Variants in TACR1 observed in about 807,000 individuals in gnomAD.
TACR1 encodes the protein tachykinin receptor 1.
Under a neutral mutation model 35.8 loss-of-function variants are expected in TACR1, and 25 were observed. The observed-to-expected ratio is 0.70, with a 90% CI of 0.51 to 0.98. The LOEUF (loss-of-function observed/expected upper bound fraction) is 0.98, where lower values mean the gene tolerates loss of function less well. Ranked by LOEUF, TACR1 falls within the 50% of genes least tolerant of loss-of-function variation. TACR1 has a pLI of 0.00. For missense variants in TACR1, 478 were observed against 522.9 expected, an observed-to-expected ratio of 0.91 and a Z score of 0.84; for synonymous variants, 195 against 206.7, an observed-to-expected ratio of 0.94 and a Z score of 0.48.
chr2:75,065,816 A>T (rs1266011897), intron 2 of TACR1, among the ~76,000 whole-genome samples: 4 of 152,172 alleles, frequency 2.6e-5, no homozygotes, highest in Non-Finnish European at 5.9e-5. Flanking sequence ...GTTGGTTGGT[A>T]TTTTACACTT....
chr2:75,165,341 G>A (rs1209896224), intron 1 of TACR1, among the ~76,000 whole-genome samples: 2 of 151,890 alleles, frequency 1.3e-5, no homozygotes, highest in African/African-American at 2.4e-5. Context: ...ACAGAGTCTC[G>A]CTCTGTCACC....
At chr2:75,152,435 T>A (rs907304991) in intron 1 of TACR1, among the ~76,000 whole-genome samples, 1 of 152,216 alleles carries the variant, frequency 6.6e-6, no homozygotes, top group Non-Finnish European at 1.5e-5. Context: ...TGCTTTTGCT[T>A]CTTCCTCATT....
chr2:75,112,247 A>G (rs1673766326), intron 2 of TACR1, among the ~76,000 whole-genome samples: 1 of 151,936 alleles, frequency 6.6e-6, no homozygotes, highest in Non-Finnish European at 1.5e-5. Flanking sequence ...GAGTATTTTG[A>G]TATCTCGAAT....
intron 1 of TACR1, among the ~76,000 whole-genome samples, chr2:75,164,181 G>A (rs1032006719): frequency 6.6e-6 from 1 of 151,972 alleles, no homozygotes; most frequent in African/African-American, 2.4e-5. Context: ...CAAAATATTA[G>A]CCAGGCGTGG....
At chr2:75,109,039 T>G (rs1284021063) in intron 2 of TACR1, among the ~76,000 whole-genome samples, 1 of 152,186 alleles carries the variant, frequency 6.6e-6, no homozygotes, top group East Asian at 1.9e-4. Flanking sequence ...AAGGAGGATC[T>G]GGGCAGCTGC....
At chr2:75,099,975 T>C (rs1673503766) in intron 2 of TACR1, among the ~76,000 whole-genome samples, 1 of 152,160 alleles carries the variant, frequency 6.6e-6, no homozygotes, top group Non-Finnish European at 1.5e-5. Context: ...TTATTCCCCA[T>C]TATTGTTAGA....
intron 1 of TACR1, among the ~76,000 whole-genome samples, chr2:75,172,380 G>A (rs1033504032): frequency 2.0e-5 from 3 of 152,142 alleles, no homozygotes; most frequent in Non-Finnish European, 4.4e-5. Context: ...GCAAATGCCT[G>A]TTTCTCTGTA....
intron 1 of TACR1, chr2:75,156,062 G>T (rs1346989940): frequency 6.6e-6 from 1 of 152,234 alleles, no homozygotes; most frequent in Non-Finnish European, 1.5e-5. Flanking sequence ...CTGGAACACA[G>T]TCACACTATT....
At chr2:75,117,223 G>T (rs1289391609) in intron 2 of TACR1, among the ~76,000 whole-genome samples, 1 of 151,928 alleles carries the variant, frequency 6.6e-6, no homozygotes, top group African/African-American at 2.4e-5. Context: ...GTCTTTAATA[G>T]TGCTTAATTT....
intron 1 of TACR1, among the ~76,000 whole-genome samples, chr2:75,178,205 C>CA (rs1192037143): frequency 6.7e-6 from 1 of 150,084 alleles, no homozygotes; most frequent in African/African-American, 2.5e-5. Context: ...TTTTTTGAGA[C>CA]AGAGTTTCGC....
chr2:75,134,563 C>T (rs1008551406), intron 1 of TACR1, among the ~76,000 whole-genome samples: 5 of 152,062 alleles, frequency 3.3e-5, no homozygotes, highest in African/African-American at 1.2e-4. Flanking sequence ...GTGGAGGTGA[C>T]ATTTGAATTT....
intron 2 of TACR1, among the ~76,000 whole-genome samples, chr2:75,095,287 T>A (rs552735314): frequency 1.3e-5 from 2 of 152,256 alleles, no homozygotes; most frequent in South Asian, 4.1e-4. Context: ...CGCACATGAT[T>A]TTAATTTTCG....
intron 1 of TACR1, chr2:75,154,390 AATCAGCCAAGAGCGCGCACG>A (rs1674753252): frequency 7.5e-6 from 1 of 132,816 alleles, no homozygotes; most frequent in African/African-American, 3.6e-5. Context: ...CCAGGGAGAT[AATCAGCCAAGAGCGCGCACG>A]CACACACACA....
chr2:75,142,209 A>G (rs1402216017), intron 1 of TACR1, among the ~76,000 whole-genome samples: 1 of 152,142 alleles, frequency 6.6e-6, no homozygotes, highest in East Asian at 1.9e-4. Context: ...CACTAAGTCC[A>G]TTTAAGGTGT....
At chr2:75,138,447 G>A (rs1202821255) in intron 1 of TACR1, among the ~76,000 whole-genome samples, 2 of 152,152 alleles carry the variant, frequency 1.3e-5, no homozygotes, top group Admixed American at 6.5e-5. Flanking sequence ...GAAGGTGGTG[G>A]TTACTCAAGT....
At chr2:75,164,454 C>T (rs1011472641) in intron 1 of TACR1, among the ~76,000 whole-genome samples, 1 of 151,368 alleles carries the variant, frequency 6.6e-6, no homozygotes, top group Non-Finnish European at 1.5e-5. Flanking sequence ...AAAGGTATAA[C>T]AATAATGAAA....
chr2:75,058,813 C>G (rs889984278), intron 2 of TACR1, among the ~76,000 whole-genome samples: 3 of 152,196 alleles, frequency 2.0e-5, no homozygotes, highest in Non-Finnish European at 4.4e-5. Flanking sequence ...TCTTGGTGCT[C>G]ATTAATCTAG....
intron 2 of TACR1, among the ~76,000 whole-genome samples, chr2:75,060,013 T>C (rs1361968248): frequency 6.6e-6 from 1 of 152,260 alleles, no homozygotes; most frequent in Non-Finnish European, 1.5e-5. Flanking sequence ...CTTTGAAAGT[T>C]CTCTTGCAGG....
intron 2 of TACR1, among the ~76,000 whole-genome samples, chr2:75,091,699 G>A (rs1024474460): frequency 2.0e-5 from 3 of 152,082 alleles, no homozygotes; most frequent in African/African-American, 7.2e-5. Context: ...ACAGACCTAG[G>A]CACAACAAAT....
Sources: allele counts gnomAD v4.1 joint callset (sites outside exome capture counted in the v4.1 genomes callset), GRCh38; gene constraint gnomAD v4.1.1; transcripts MANE v1.5; gene names NCBI Gene and HGNC (gene_info 2026-07-23, HGNC 2026-07-21).